Variants in FXYD6 observed in about 807,000 individuals in gnomAD.
FXYD6 encodes FXYD domain-containing ion transport regulator 6.
A neutral mutation model predicts 16.7 loss-of-function variants in FXYD6; 7 were observed. The ratio of observed to expected loss-of-function variants is 0.42; its 90% CI spans 0.24 to 0.79. The LOEUF (loss-of-function observed/expected upper bound fraction) is 0.79, where lower values mean the gene tolerates loss of function less well. Ranked by LOEUF, FXYD6 falls within the 30% of genes least tolerant of loss-of-function variation. The probability of loss-of-function intolerance (pLI) is 0.28; values close to 1 mark genes in which losing one functional copy is unlikely to be tolerated. For synonymous variants in FXYD6, 49 were observed against 43.0 expected, an observed-to-expected ratio of 1.14 and a Z score of -0.54; for missense variants, 111 against 116.2, an observed-to-expected ratio of 0.95 and a Z score of 0.21.
At chr11:117,858,685 TTCTTTCTTTC>T (rs1565323523) in intron 1 of FXYD6, among the ~76,000 whole-genome samples, 1 of 86,954 alleles carries the variant, frequency 1.2e-5, no homozygotes, top group African/African-American at 5.2e-5. Flanking sequence ...CTTTCTTTCT[TTCTTTCTTTC>T]TTTCTTTCTC....
At chr11:117,875,154 T>C (rs1175379036) in intron 1 of FXYD6, among the ~76,000 whole-genome samples, 1 of 151,786 alleles carries the variant, frequency 6.6e-6, no homozygotes, top group African/African-American at 2.4e-5. Flanking sequence ...CAGTGTAGCA[T>C]TGTAGCTGGT....
At chr11:117,841,073 G>A in intron 5 of FXYD6, 75 bp downstream of exon 5, 2 of 1,579,872 alleles carry the variant, frequency 1.3e-6, no homozygotes, top group Non-Finnish European at 1.7e-6. Context: ...TGCCCATTTG[G>A]GGGTCACACA....
intron 1 of FXYD6, among the ~76,000 whole-genome samples, chr11:117,859,097 C>G (rs1210793634): frequency 6.7e-6 from 1 of 148,852 alleles, no homozygotes; most frequent in Non-Finnish European, 1.5e-5. Context: ...ATTTTCAACC[C>G]CTTCTGGGAG....
intron 1 of FXYD6, chr11:117,843,719 TG>T (rs2134140618): frequency 6.6e-6 from 1 of 151,968 alleles, no homozygotes; most frequent in East Asian, 1.9e-4. Context: ...TCCAGAAAGG[TG>T]GTTTGATTCT....
chr11:117,843,975 A>C (rs920616818), intron 1 of FXYD6: 3 of 152,226 alleles, frequency 2.0e-5, no homozygotes, highest in Non-Finnish European at 4.4e-5. Flanking sequence ...CAGAGAGGAG[A>C]CAGAGAGGCT....
intron 1 of FXYD6, among the ~76,000 whole-genome samples, chr11:117,861,203 C>T (rs937091693): frequency 1.3e-5 from 2 of 152,206 alleles, no homozygotes; most frequent in Non-Finnish European, 2.9e-5. Context: ...TGGAAGGGAG[C>T]CTGCTCTGTC....
chr11:117,858,130 A>T (rs1565322684), intron 1 of FXYD6: 1 of 151,882 alleles, frequency 6.6e-6, no homozygotes, highest in Non-Finnish European at 1.5e-5. Context: ...CCCCAGCCCC[A>T]CTCCAGCGTC....
At chr11:117,849,860 G>A (rs1036299039) in intron 1 of FXYD6, among the ~76,000 whole-genome samples, 1 of 152,086 alleles carries the variant, frequency 6.6e-6, no homozygotes, top group Non-Finnish European at 1.5e-5. Context: ...TACTTCAGTT[G>A]TTTTTCAGGA....
intron 5 of FXYD6, among the ~76,000 whole-genome samples, chr11:117,840,684 ATAGTAAACTAATGGGGTATGACCTC>A (rs2056318947): frequency 6.6e-6 from 1 of 152,122 alleles, no homozygotes; most frequent in South Asian, 2.1e-4. Context: ...CTTGGCTATT[ATAGTAAACTAATGGGGTATGACCTC>A]TATGTGGGAG....
At chr11:117,842,194 G>A (rs1315008699) in intron 2 of FXYD6, 166 bp from the exon 3 acceptor site, 4 of 984,114 alleles carry the variant, frequency 4.1e-6, no homozygotes, top group Non-Finnish European at 5.9e-6. Flanking sequence ...CTGCCAGTTA[G>A]GGGGTTAGGG....
chr11:117,841,394 C>T (rs2056339701), intron 4 of FXYD6, among the ~76,000 whole-genome samples: 1 of 152,118 alleles, frequency 6.6e-6, no homozygotes, highest in Admixed American at 6.5e-5. Context: ...TACACCCCCA[C>T]AGCCCTCTTG....
chr11:117,847,784 T>C (rs558798478), intron 1 of FXYD6, among the ~76,000 whole-genome samples: 75 of 152,300 alleles, frequency 4.9e-4, no homozygotes, highest in Non-Finnish European at 8.7e-4. Flanking sequence ...TTTGGGTTGG[T>C]TCCAAGACTT....
chr11:117,867,410 G>A (rs1287395510), intron 1 of FXYD6, among the ~76,000 whole-genome samples: 2 of 152,126 alleles, frequency 1.3e-5, no homozygotes, highest in African/African-American at 4.8e-5. Flanking sequence ...CTCTCTAATT[G>A]GAACTTCCTT....
intron 1 of FXYD6, among the ~76,000 whole-genome samples, chr11:117,845,811 C>T (rs2134146115): frequency 6.6e-6 from 1 of 152,306 alleles, no homozygotes; most frequent in East Asian, 1.9e-4. Context: ...TTCATGTAAC[C>T]AGAAGCAATT....
Position 117,858,736 on chromosome 11 carries a change from CCTT to C in FXYD6, c.-5-15958_-5-15956del, listed in dbSNP as rs1565324018. 1.8e-3 allele frequency among the ~76,000 whole-genome samples: 189 copies of C among 102,704 alleles called. 9 individuals carry two copies. The highest frequency in any genetic ancestry group is 5.9e-3 in the African/African-American group (154 of 26,104). 67.4% of individuals were successfully genotyped at this position (102,704 alleles called of 152,430 possible). ...CTCTCCTTCCTTCCCTTCCTTCCTT[CCTT>C]CCTTCCTTCCTTCCTTCCTTCCTTC... On this transcript the variant is annotated intron_variant, in intron 1 of 7. Transcript: ENST00000526014.
At chr11:117,863,372 T>A (rs764760671) in intron 1 of FXYD6, among the ~76,000 whole-genome samples, 21 of 152,006 alleles carry the variant, frequency 1.4e-4, no homozygotes, top group Admixed American at 5.9e-4. Flanking sequence ...ATCATCTCAA[T>A]TGATGCAGAA....
chr11:117,866,020 C>T (rs2155196), intron 1 of FXYD6, among the ~76,000 whole-genome samples: 73,321 of 151,920 alleles, frequency 0.48, 18,670 homozygotes, highest in East Asian at 0.72. Flanking sequence ...GACGTGAGGC[C>T]AAGTGAAATA....
rs2056822524 is a variant in FXYD6 at position 117,858,721 on chromosome 11, T to TC, written c.-5-15941_-5-15940insG. 2.3e-4 allele frequency among the ~76,000 whole-genome samples: 20 copies of TC among 88,092 alleles called. 3 individuals carry two copies. The Admixed American group carries it at 2.4e-3, about 10-fold the overall frequency. 57.8% of individuals were successfully genotyped at this position (88,092 alleles called of 152,430 possible). On this transcript the variant is annotated intron_variant, in intron 1 of 7. Coordinates refer to ENST00000526014, the MANE Select transcript of FXYD6 (RefSeq NM_022003.4). ...TTTCTTTCTCTCTCTCTCTCCTTCC[T>TC]TCCCTTCCTTCCTTCCTTCCTTCCT...
chr11:117,837,386 C>A lies in FXYD6; in HGVS notation c.*913G>T, dbSNP rs1440372058. On this transcript the variant is annotated 3_prime_UTR_variant, in exon 8 of 8. Coordinates refer to ENST00000526014, the MANE Select transcript of FXYD6 (RefSeq NM_022003.4). The surrounding 1 kb of genome is among the most constrained non-coding windows in gnomAD (Gnocchi z 4.4). ...CCTGCCAGAGACCCAATTGCAGGGA[C>A]TGTAGTCTGCATCTGGATGAGCTGG... The A allele has an allele frequency of 6.5e-6, 1 of 152,718 alleles. No individual in the cohort carries two copies. Among genetic ancestry groups the A allele is most frequent in the Non-Finnish European group, 1.5e-5 (1 of 68,156 alleles). The allele number at this position is 152,718 out of a possible 1,614,324, so 9.5% of individuals were successfully genotyped here. A position where few individuals can be genotyped will look rare whatever the true frequency, so the allele number is the denominator to read the frequency against.
Sources: gnomAD v4.1 joint callset for allele counts (sites outside exome capture counted in the v4.1 genomes callset) on GRCh38, gnomAD v4.1.1 for gene constraint, Gnocchi (gnomAD v3.1) non-coding constraint, MANE v1.5 for transcripts, NCBI Gene and HGNC (gene_info 2026-07-23, HGNC 2026-07-21) for gene names.